Variants in KCND2 observed in about 807,000 individuals in gnomAD.
KCND2 encodes potassium voltage-gated channel subfamily D member 2.
A neutral mutation model predicts 54.4 loss-of-function variants in KCND2; 16 were observed. That is an observed-to-expected ratio of 0.29 (90% CI 0.20 to 0.45). The LOEUF (loss-of-function observed/expected upper bound fraction) is 0.45, where lower values mean the gene tolerates loss of function less well. Ranked by LOEUF, KCND2 falls within the 20% of genes least tolerant of loss-of-function variation. The pLI is 1.00. For missense variants in KCND2, 486 were observed against 824.2 expected (o/e 0.59, Z 5.02); for synonymous variants, 317 against 310.7 (o/e 1.02, Z -0.21).
intron 1 of KCND2, among the ~76,000 whole-genome samples, chr7:120,345,881 C>G (rs903050279): frequency 6.6e-6 from 1 of 152,120 alleles, no homozygotes; most frequent in African/African-American, 2.4e-5. Flanking sequence ...ATTGCTACAT[C>G]ATATGGTAAT....
chr7:120,292,426 G>C (rs932931700), intron 1 of KCND2, among the ~76,000 whole-genome samples: 1 of 151,866 alleles, frequency 6.6e-6, no homozygotes, highest in African/African-American at 2.4e-5. Flanking sequence ...ATGTTTCACA[G>C]ATATAGACTT....
At chr7:120,410,705 C>T (rs1801437445) in intron 1 of KCND2, among the ~76,000 whole-genome samples, 1 of 116,564 alleles carries the variant, frequency 8.6e-6, no homozygotes, top group Non-Finnish European at 1.7e-5. Flanking sequence ...CCTCCCCCTA[C>T]CCCACAACAG....
chr7:120,680,629 A>G (rs1004153554), intron 1 of KCND2, among the ~76,000 whole-genome samples: 7 of 151,948 alleles, frequency 4.6e-5, no homozygotes, highest in Admixed American at 6.6e-5. Context: ...CTCTTTAACC[A>G]CTCACTCTGC....
At chr7:120,680,466 G>A (rs144007888) in intron 1 of KCND2, among the ~76,000 whole-genome samples, 58 of 152,224 alleles carry the variant, frequency 3.8e-4, no homozygotes, top group African/African-American at 1.3e-3. Flanking sequence ...CCTTACAACA[G>A]AGAATGCATA....
At chr7:120,444,155 A>G (rs1173340165) in intron 1 of KCND2, among the ~76,000 whole-genome samples, 1 of 152,080 alleles carries the variant, frequency 6.6e-6, no homozygotes, top group Non-Finnish European at 1.5e-5. Context: ...CGCTTACCAC[A>G]TATCAGGCAT....
At chr7:120,621,563 T>C (rs1256713558) in intron 1 of KCND2, among the ~76,000 whole-genome samples, 1 of 152,208 alleles carries the variant, frequency 6.6e-6, no homozygotes, top group Non-Finnish European at 1.5e-5. Flanking sequence ...TGAAGTAAGC[T>C]TTTAATTTTT....
intron 1 of KCND2, among the ~76,000 whole-genome samples, chr7:120,642,072 A>G (rs10953920): frequency 0.034 from 5,204 of 152,000 alleles, 211 homozygotes; most frequent in African/African-American, 0.1. Flanking sequence ...TGTTGTTGAA[A>G]GCCTCCTTTA....
At chr7:120,451,255 G>A (rs1243067111) in intron 1 of KCND2, among the ~76,000 whole-genome samples, 1 of 152,088 alleles carries the variant, frequency 6.6e-6, no homozygotes, top group East Asian at 1.9e-4. Flanking sequence ...TCAACAGCTT[G>A]ACTTACCCTA....
Position 120,741,568 on chromosome 7 carries a change from G to A in KCND2, c.1313G>A (p.Ser438Asn). Residue 438 changes from serine to asparagine, a missense_variant, in exon 3 of 6, where the codon AGC (serine) becomes AAC (asparagine). This residue lies in a region of KCND2 where 202 missense variants were observed against 252.7 expected (regional missense o/e 0.80). Coordinates refer to ENST00000331113, the MANE Select transcript of KCND2 (RefSeq NM_012281.3). ...ARLARIRAAK[S>N]GSANAYMQSK... ...CTGGCCAGGATCCGGGCAGCCAAAAGCGGAAGCGCAAATGCTTACATGCAG... is the reference window on the plus strand; with the variant it reads ...CTGGCCAGGATCCGGGCAGCCAAAAACGGAAGCGCAAATGCTTACATGCAG... 1.2e-6 allele frequency: 2 copies of A among 1,613,386 alleles called. No homozygotes were observed. Among genetic ancestry groups the A allele is most frequent in the Non-Finnish European group, 1.7e-6 (2 of 1,179,514 alleles).
At chr7:120,302,935 A>T (rs771009914) in intron 1 of KCND2, among the ~76,000 whole-genome samples, 5 of 152,194 alleles carry the variant, frequency 3.3e-5, no homozygotes, top group Admixed American at 6.5e-5. Flanking sequence ...ATGTGAAATG[A>T]TCTCTACAAG....
chr7:120,279,894 C>A (rs533508502), intron 1 of KCND2, among the ~76,000 whole-genome samples: 1 of 151,802 alleles, frequency 6.6e-6, no homozygotes, highest in African/African-American at 2.4e-5. Context: ...TCTCCTGATA[C>A]CTGTCAGTAT....
intron 1 of KCND2, among the ~76,000 whole-genome samples, chr7:120,711,994 T>G (rs1028354320): frequency 1.3e-5 from 2 of 152,026 alleles, no homozygotes; most frequent in Non-Finnish European, 2.9e-5. Context: ...AGTACTATGC[T>G]TCATTCAATA....
intron 1 of KCND2, among the ~76,000 whole-genome samples, chr7:120,522,135 C>T (rs1487729892): frequency 6.6e-6 from 1 of 152,190 alleles, no homozygotes; most frequent in East Asian, 1.9e-4. Flanking sequence ...TTCTCCACCA[C>T]TCTTCCTAAT....
At chr7:120,512,342 CATTT>C (rs1803128084) in intron 1 of KCND2, among the ~76,000 whole-genome samples, 2 of 151,494 alleles carry the variant, frequency 1.3e-5, no homozygotes, top group African/African-American at 4.8e-5. Context: ...TACATATAAA[CATTT>C]ATTAAATATA....
At chr7:120,485,037 C>T (rs979564572) in intron 1 of KCND2, among the ~76,000 whole-genome samples, 1 of 151,838 alleles carries the variant, frequency 6.6e-6, no homozygotes. Context: ...CAGGCAGGTG[C>T]CATCACTCCC....
chr7:120,669,638 G>A (rs1179086502), intron 1 of KCND2, among the ~76,000 whole-genome samples: 4 of 152,054 alleles, frequency 2.6e-5, no homozygotes, highest in Non-Finnish European at 5.9e-5. Flanking sequence ...CCGAAACCCT[G>A]AGCTCCTCGA....
intron 1 of KCND2, among the ~76,000 whole-genome samples, chr7:120,282,096 C>A (rs759867916): frequency 6.6e-6 from 1 of 152,052 alleles, no homozygotes; most frequent in Non-Finnish European, 1.5e-5. Flanking sequence ...TTGCGGATGC[C>A]TTTGGGAAGC....
intron 3 of KCND2, among the ~76,000 whole-genome samples, chr7:120,742,121 T>TAAA (rs1792949003): frequency 6.6e-6 from 1 of 152,188 alleles, no homozygotes; most frequent in African/African-American, 2.4e-5. Context: ...TTTCCTTTAA[T>TAAA]ATTTAGGACT....
intron 1 of KCND2, among the ~76,000 whole-genome samples, chr7:120,545,341 A>G (rs540104166): frequency 3.9e-5 from 6 of 152,056 alleles, no homozygotes; most frequent in East Asian, 1.9e-4. Flanking sequence ...GCCAGGTCCC[A>G]TAGAAAAGAT....
Sources: allele counts gnomAD v4.1 joint callset (sites outside exome capture counted in the v4.1 genomes callset), GRCh38; gene constraint gnomAD v4.1.1; regional missense constraint gnomAD v4.1.1; transcripts MANE v1.5; gene names NCBI Gene and HGNC (gene_info 2026-07-23, HGNC 2026-07-21).